The following GNAI3 variants were observed in gnomAD, a reference collection of about 807,000 sequenced individuals.
The protein encoded by GNAI3 is guanine nucleotide-binding protein G(i) subunit alpha-3.
In GNAI3, 12 loss-of-function variants were observed where a neutral mutation model predicts 41.8. The ratio of observed to expected loss-of-function variants is 0.29; its 90% CI spans 0.18 to 0.47. GNAI3 has a LOEUF of 0.47. GNAI3 is among the 20% of genes least tolerant of loss of function. GNAI3 has a pLI of 1.00. For synonymous variants in GNAI3, 132 were observed against 146.5 expected, an observed-to-expected ratio of 0.90 and a Z score of 0.71; for missense variants, 360 against 429.6, an observed-to-expected ratio of 0.84 and a Z score of 1.43.
At chr1:109,569,135 C>G (rs1648528375) in intron 1 of GNAI3, among the ~76,000 whole-genome samples, 1 of 152,186 alleles carries the variant, frequency 6.6e-6, no homozygotes, top group African/African-American at 2.4e-5. Context: ...TCCTTTTCTC[C>G]TACTTATATA....
intron 5 of GNAI3, among the ~76,000 whole-genome samples, chr1:109,585,964 TA>T (rs1434743449): frequency 6.6e-6 from 1 of 152,202 alleles, no homozygotes; most frequent in Non-Finnish European, 1.5e-5. Context: ...ACACATCTGG[TA>T]CAAGCTTTGA....
At chr1:109,557,335 A>G (rs1648182121) in intron 1 of GNAI3, among the ~76,000 whole-genome samples, 1 of 152,204 alleles carries the variant, frequency 6.6e-6, no homozygotes, top group Middle Eastern at 3.4e-3. Flanking sequence ...TGCCTTATAT[A>G]TGGTTATTTA....
chr1:109,587,352 A>G (rs1557912148), intron 7 of GNAI3, among the ~76,000 whole-genome samples: 1 of 152,254 alleles, frequency 6.6e-6, no homozygotes, highest in Non-Finnish European at 1.5e-5. Context: ...GCAGAGAGAC[A>G]TAAATAATTT....
rs118090916 is a variant in GNAI3, at chr1:109,564,743, C to T, written c.119-8994C>T. Among the ~76,000 whole-genome samples the T allele has an allele frequency of 4.2e-4, 64 of 152,246 alleles. No homozygotes were observed. In the East Asian group the frequency reaches 0.012, roughly 28 times the overall value. ...AAGGTTGTGGCCTAGATCGTGTGGG[C>T]CATTTCCCACTGAGGTAGCGAAGTA... is the stretch of plus-strand genomic sequence containing the variant. On this transcript the variant is annotated intron_variant, in intron 1 of 8. Transcript: ENST00000369851.
chr1:109,590,803 C>T (rs1017993859), intron 7 of GNAI3, among the ~76,000 whole-genome samples: 1 of 151,992 alleles, frequency 6.6e-6, no homozygotes, highest in African/African-American at 2.4e-5. Flanking sequence ...TGACCTCAAG[C>T]GATCCACCTG....
intron 1 of GNAI3, among the ~76,000 whole-genome samples, chr1:109,566,100 A>G (rs1648445912): frequency 6.6e-6 from 1 of 152,208 alleles, no homozygotes; most frequent in South Asian, 2.1e-4. Flanking sequence ...TCTTGAACTG[A>G]TGGTCAAAGG....
intron 1 of GNAI3, among the ~76,000 whole-genome samples, chr1:109,558,744 G>T (rs1450406888): frequency 6.6e-6 from 1 of 152,176 alleles, no homozygotes; most frequent in Non-Finnish European, 1.5e-5. Context: ...TTTTGTTAGA[G>T]AGTAGGTAAA....
chr1:109,550,755 A>G (rs1571144587), intron 1 of GNAI3, among the ~76,000 whole-genome samples: 2 of 152,064 alleles, frequency 1.3e-5, no homozygotes, highest in Non-Finnish European at 2.9e-5. Context: ...GGATGGTCTC[A>G]ATCTCCTGAC....
In GNAI3 at chr1:109,576,621, C is replaced by T. The variant is rs542937359; in HGVS notation, c.304-2583C>T. ...GCAACCTCTGCCTCCTGGGTTCAAG[C>T]GATTCTCCTGCCTCAGCCTCCCGAG... On this transcript the variant is annotated intron_variant, in intron 3 of 8. Transcript: ENST00000369851. Among the ~76,000 whole-genome samples, 7 of 151,644 alleles carry T rather than the reference C, an allele frequency of 4.6e-5. No homozygotes were observed. The South Asian group carries it at 1.0e-3, about 23-fold the overall frequency.
chr1:109,557,559 G>C (rs1478870359), intron 1 of GNAI3, among the ~76,000 whole-genome samples: 3 of 152,182 alleles, frequency 2.0e-5, no homozygotes, highest in Non-Finnish European at 4.4e-5. Flanking sequence ...GAATAGGTAA[G>C]AAATGAAATA....
chr1:109,555,387 C>G (rs922605131), intron 1 of GNAI3, among the ~76,000 whole-genome samples: 2 of 152,130 alleles, frequency 1.3e-5, no homozygotes, highest in Non-Finnish European at 2.9e-5. Context: ...CAAATAACTT[C>G]CAGTCAACTA....
At chr1:109,551,204 T>C (rs1647975208) in intron 1 of GNAI3, among the ~76,000 whole-genome samples, 1 of 152,268 alleles carries the variant, frequency 6.6e-6, no homozygotes, top group South Asian at 2.1e-4. Context: ...TAAAATATTC[T>C]TGAGCAAGTT....
At chr1:109,548,925 AAAGG>A in intron 1 of GNAI3, 87 bp downstream of exon 1, 1 of 816,978 alleles carries the variant, frequency 1.2e-6, no homozygotes, top group Non-Finnish European at 2.1e-6. Context: ...GGGCCGACGG[AAAGG>A]ACCCTAAAGG....
chr1:109,583,316 C>G (rs577894411), intron 5 of GNAI3, among the ~76,000 whole-genome samples: 42 of 152,122 alleles, frequency 2.8e-4, no homozygotes, highest in Admixed American at 4.6e-4. Context: ...CTCAAGTGAT[C>G]CTTCTGCCTC....
intron 4 of GNAI3, 54 bp downstream of exon 4, chr1:109,579,415 A>G (rs1200877039): frequency 5.5e-6 from 7 of 1,264,642 alleles, no homozygotes; most frequent in African/African-American, 1.5e-5. Flanking sequence ...GTGACACTAC[A>G]GAAATTTTAG....
chr1:109,548,943 C>G, intron 1 of GNAI3, 105 bp downstream of exon 1: 1 of 569,380 alleles, frequency 1.8e-6, no homozygotes, highest in South Asian at 1.8e-5. Flanking sequence ...CTAAAGGGAT[C>G]TGGAGGGCGT....
At position 109,596,468 on chromosome 1, in the gene GNAI3, C is replaced by T. The variant is rs1649313218; in HGVS notation, c.*4146C>T. The T allele has an allele frequency of 6.6e-6, 1 of 152,438 alleles. No homozygotes were observed. Among genetic ancestry groups the T allele is most frequent in the South Asian group, 2.1e-4 (1 of 4,836 alleles). The allele number at this position is 152,438 out of a possible 1,614,324, so 9.4% of individuals were successfully genotyped here. A position where few individuals can be genotyped will look rare whatever the true frequency, so the allele number is the denominator to read the frequency against. On this transcript the variant is annotated 3_prime_UTR_variant, in exon 9 of 9. Transcript: ENST00000369851. ...TCTTAGGTTCAAGCGATTCTTGTGC[C>T]TCAGCCTCCCAAGTAGCTGTGATTA...
rs1649194500 is a variant in GNAI3, at chr1:109,592,360, G to T, written c.*38G>T. Reference sequence around the variant, plus strand: ...TCTCTTCTAGTTACTACAGTGTGGAGTGTTGAGACCAGACACCTTTTGCTG... The same window carrying T: ...TCTCTTCTAGTTACTACAGTGTGGATTGTTGAGACCAGACACCTTTTGCTG... On this transcript the variant is annotated 3_prime_UTR_variant, in exon 9 of 9. Coordinates refer to ENST00000369851, the MANE Select transcript of GNAI3 (RefSeq NM_006496.4). 1.6e-6 allele frequency: 1 copy of T among 627,978 alleles called. No homozygotes were observed. Among genetic ancestry groups the T allele is most frequent in the African/African-American group, 1.8e-5 (1 of 54,790 alleles). The allele number at this position is 627,978 out of a possible 1,614,324, so 38.9% of individuals were successfully genotyped here. A position where few individuals can be genotyped will look rare whatever the true frequency, so the allele number is the denominator to read the frequency against.
chr1:109,590,663 C>T lies in GNAI3; in HGVS notation c.875-1380C>T, dbSNP rs926570914. On this transcript the variant is annotated intron_variant, in intron 7 of 8. Coordinates refer to ENST00000369851, the MANE Select transcript of GNAI3 (RefSeq NM_006496.4). ...TGATCTCGGCTCACTGCAACCTCCA[C>T]CTCCCAGATTCAAGTGCTTCTTGTG... Among the ~76,000 whole-genome samples, 3 of 151,838 alleles carry T rather than the reference C, an allele frequency of 2.0e-5. No individual in the cohort carries two copies. The East Asian group carries it at 5.8e-4, about 29-fold the overall frequency.
Sources: gnomAD v4.1 joint callset for allele counts (sites outside exome capture counted in the v4.1 genomes callset) on GRCh38, gnomAD v4.1.1 for gene constraint, MANE v1.5 for transcripts, NCBI Gene and HGNC (gene_info 2026-07-23, HGNC 2026-07-21) for gene names.